ATP10A: variants seen among roughly 807,000 people sequenced by gnomAD.
The protein encoded by ATP10A is ATPase phospholipid transporting 10A (putative), also known as phospholipid-transporting ATPase VA.
Under a neutral mutation model 147.8 loss-of-function variants are expected in ATP10A, and 111 were observed. The observed-to-expected ratio is 0.75, with a 90% CI of 0.64 to 0.88. The LOEUF is 0.88. Among genes scored for constraint, ATP10A ranks in the 40% least tolerant of loss-of-function variants. ATP10A has a pLI of 0.00. For synonymous variants in ATP10A, 875 were observed against 841.6 expected (o/e 1.04, Z -0.69); for missense variants, 1,927 against 1,959.0 (o/e 0.98, Z 0.31).
At chr15:25,848,448 C>G (rs1182474860) in intron 1 of ATP10A, among the ~76,000 whole-genome samples, 1 of 152,014 alleles carries the variant, frequency 6.6e-6, no homozygotes, top group African/African-American at 2.4e-5. Context: ...GCCACTGCAC[C>G]GGCTAAACAA....
At chr15:25,787,338 G>A (rs752130221) in intron 1 of ATP10A, among the ~76,000 whole-genome samples, 3 of 152,114 alleles carry the variant, frequency 2.0e-5, no homozygotes, top group Non-Finnish European at 4.4e-5. Context: ...TGGAGGCCAG[G>A]CATGGTGACT....
chr15:25,786,727 T>G (rs1475884458), intron 1 of ATP10A, among the ~76,000 whole-genome samples: 4 of 140,076 alleles, frequency 2.9e-5, no homozygotes, highest in Non-Finnish European at 6.1e-5. Flanking sequence ...CTGGGTTCAC[T>G]CCATTCTCCT....
At chr15:25,780,198 T>C (rs916390079) in intron 2 of ATP10A, among the ~76,000 whole-genome samples, 17 of 152,234 alleles carry the variant, frequency 1.1e-4, no homozygotes, top group Admixed American at 5.9e-4. Flanking sequence ...GAGGGCACTG[T>C]CTGATAGAGG....
At chr15:25,770,011 C>T (rs1214413065) in intron 2 of ATP10A, among the ~76,000 whole-genome samples, 1 of 152,216 alleles carries the variant, frequency 6.6e-6, no homozygotes, top group Non-Finnish European at 1.5e-5. Flanking sequence ...AGTAAACCAA[C>T]TCTGTCGGCA....
At chr15:25,703,322 T>A (rs1358313577) in intron 12 of ATP10A, among the ~76,000 whole-genome samples, 1 of 152,182 alleles carries the variant, frequency 6.6e-6, no homozygotes, top group Non-Finnish European at 1.5e-5. Flanking sequence ...GCCACTGCAC[T>A]CCAGCCTGGG....
chr15:25,740,135 T>C (rs942532761), intron 2 of ATP10A, among the ~76,000 whole-genome samples: 2 of 152,206 alleles, frequency 1.3e-5, no homozygotes, highest in African/African-American at 4.8e-5. Flanking sequence ...TTCACATTTG[T>C]ATTAAGTGAA....
intron 13 of ATP10A, 108 bp from the exon 14 acceptor site, chr15:25,695,254 C>T: frequency 1.9e-6 from 2 of 1,041,072 alleles, no homozygotes; most frequent in Non-Finnish European, 2.8e-6. Flanking sequence ...CTCCAGGCTG[C>T]AGTACCCGCC....
intron 1 of ATP10A, among the ~76,000 whole-genome samples, chr15:25,846,362 T>C (rs1321143721): frequency 1.3e-5 from 2 of 152,202 alleles, no homozygotes; most frequent in African/African-American, 2.4e-5. Context: ...AAGCACAAGA[T>C]AGAACACGCT....
chr15:25,707,393 AATG>A (rs1185454126), intron 12 of ATP10A, among the ~76,000 whole-genome samples: 3 of 152,204 alleles, frequency 2.0e-5, no homozygotes, highest in African/African-American at 7.2e-5. Context: ...GCATGTATAC[AATG>A]ACTTGGCTAT....
intron 14 of ATP10A, among the ~76,000 whole-genome samples, chr15:25,693,962 G>A (rs767996986): frequency 1.1e-4 from 16 of 152,218 alleles, no homozygotes; most frequent in South Asian, 2.1e-4. Context: ...ATTGATTGGC[G>A]AGGGTACTTG....
Position 25,828,775 on chromosome 15 carries a change from C to A in ATP10A, c.449+33873G>T, listed in dbSNP as rs140852102. Among the ~76,000 whole-genome samples the A allele has an allele frequency of 4.9e-3, 741 of 152,166 alleles. 7 individuals carry two copies. The highest frequency in any genetic ancestry group is 0.017 in the African/African-American group (697 of 41,506). ...ATACACAGTATTCCAGTAAGTGAAC[C>A]ATGATATCTAATTATTATATGGATT... On this transcript the variant is annotated intron_variant, in intron 1 of 20. Transcript: ENST00000555815.
chr15:25,764,593 C>T lies in ATP10A; in HGVS notation c.654+16426G>A, dbSNP rs150348339. Among the ~76,000 whole-genome samples the T allele has an allele frequency of 5.4e-3, 830 of 152,316 alleles. 8 individuals are homozygous for T. Among genetic ancestry groups the T allele is most frequent in the Non-Finnish European group, 8.6e-3 (584 of 68,036 alleles). On this transcript the variant is annotated intron_variant, in intron 2 of 20. Coordinates refer to ENST00000555815, the MANE Select transcript of ATP10A (RefSeq NM_024490.4). Reference sequence around the variant, plus strand: ...GGCCGGGAAGAGGGCCCTTGCCAGACGCCAGATCTACTGGCGCCTCAATCT... The same window carrying T: ...GGCCGGGAAGAGGGCCCTTGCCAGATGCCAGATCTACTGGCGCCTCAATCT...
chr15:25,711,213 G>A (rs965786444), intron 10 of ATP10A, among the ~76,000 whole-genome samples: 26 of 152,136 alleles, frequency 1.7e-4, no homozygotes, highest in Admixed American at 1.3e-3. Context: ...CAGCCAACTC[G>A]GGCCTCTTCT....
rs1380351808 is a variant in ATP10A, at chr15:25,720,103, G to A, written c.1363+1554C>T. ...ATTTGGCAACTGTCAGAATCTTTCT[G>A]TAATCTTAGTTGGGATCCTGCCCCT... On this transcript the variant is annotated intron_variant, in intron 7 of 20. Coordinates refer to ENST00000555815, the MANE Select transcript of ATP10A (RefSeq NM_024490.4). Among the ~76,000 whole-genome samples the A allele has an allele frequency of 2.6e-5, 4 of 152,166 alleles. No homozygotes were observed. The East Asian group carries it at 7.7e-4, about 29-fold the overall frequency.
intron 2 of ATP10A, among the ~76,000 whole-genome samples, chr15:25,778,780 G>A (rs946334035): frequency 6.6e-6 from 1 of 152,200 alleles, no homozygotes; most frequent in African/African-American, 2.4e-5. Flanking sequence ...GAGCTATGAA[G>A]TGCTGCAGTT....
intron 1 of ATP10A, among the ~76,000 whole-genome samples, chr15:25,805,712 T>C (rs778042786): frequency 2.8e-4 from 43 of 152,116 alleles, no homozygotes; most frequent in Non-Finnish European, 5.7e-4. Flanking sequence ...GCTATTTTTT[T>C]CCCCCAAAAT....
intron 15 of ATP10A, among the ~76,000 whole-genome samples, chr15:25,688,595 TCAAA>T (rs901119164): frequency 1.3e-5 from 2 of 150,962 alleles, no homozygotes; most frequent in African/African-American, 4.9e-5. Flanking sequence ...GAAAAAAAAA[TCAAA>T]CAAAGTGGCA....
chr15:25,844,381 G>A (rs1046886312), intron 1 of ATP10A, among the ~76,000 whole-genome samples: 1 of 151,990 alleles, frequency 6.6e-6, no homozygotes, highest in Admixed American at 6.6e-5. Flanking sequence ...GAATTTTATG[G>A]GTCTTCCTAA....
chr15:25,748,041 C>A (rs896161010), intron 2 of ATP10A, among the ~76,000 whole-genome samples: 2 of 152,064 alleles, frequency 1.3e-5, no homozygotes, highest in African/African-American at 4.8e-5. Flanking sequence ...TGGCTCACTG[C>A]AAGCTCTGCC....
Sources: gnomAD v4.1 joint callset for allele counts (sites outside exome capture counted in the v4.1 genomes callset) on GRCh38, gnomAD v4.1.1 for gene constraint, MANE v1.5 for transcripts, NCBI Gene and HGNC (gene_info 2026-07-23, HGNC 2026-07-21) for gene names.